The following C1orf159 variants were observed in gnomAD, a reference collection of about 807,000 sequenced individuals.
C1orf159 encodes uncharacterized protein C1orf159.
Under a neutral mutation model 25.6 loss-of-function variants are expected in C1orf159, and 19 were observed. The observed-to-expected ratio is 0.74, with a 90% confidence interval of 0.52 to 1.09. The LOEUF (loss-of-function observed/expected upper bound fraction) is 1.09. Among genes scored for constraint, C1orf159 ranks in the 50% least tolerant of loss-of-function variants. The pLI is 0.00. For synonymous variants in C1orf159, 139 were observed against 124.7 expected (o/e 1.12, Z -0.77); for missense variants, 274 against 290.6 (o/e 0.94, Z 0.42).
In C1orf159 at chr1:1,087,847, A is replaced by C. The variant is rs1645857096; in HGVS notation, c.149-250T>G. ...TCCGACCCCAAGTACTCCACGCTGC[A>C]CTCTCCACGCCGAGCACCCCGGCCC... On this transcript the variant is annotated intron_variant, in intron 4 of 9. Transcript: ENST00000421241. This position sits in a 1 kb window ranked among gnomAD's most constrained non-coding sequence, Gnocchi z 8.3. 7.0e-6 allele frequency among the ~76,000 whole-genome samples: 1 copy of C among 143,372 alleles called. No homozygotes were observed. The allele number at this position is 143,372 out of a possible 152,430, so 94.1% of individuals were successfully genotyped here.
chr1:1,104,800 C>T (rs1646148832), intron 1 of C1orf159, among the ~76,000 whole-genome samples: 3 of 151,340 alleles, frequency 2.0e-5, no homozygotes, highest in South Asian at 2.1e-4. Context: ...GGCAACAGAG[C>T]GAGGCCCTGT....
intron 4 of C1orf159, 94 bp downstream of exon 4, chr1:1,090,259 G>C (rs1214278014): frequency 7.9e-7 from 1 of 1,263,774 alleles, no homozygotes; most frequent in Non-Finnish European, 1.1e-6. Context: ...GCACAGATGA[G>C]CACTGTCCTT....
chr1:1,091,818 T>TG (rs1645943135), intron 2 of C1orf159, 173 bp downstream of exon 2: 1 of 15,196 alleles, frequency 6.6e-5, no homozygotes, highest in Non-Finnish European at 1.3e-4. Context: ...CAAATGGAGA[T>TG]GGGGTGGGGC....
At chr1:1,109,891 G>T (rs535563866) in intron 1 of C1orf159, among the ~76,000 whole-genome samples, 1 of 152,202 alleles carries the variant, frequency 6.6e-6, no homozygotes, top group African/African-American at 2.4e-5. Context: ...GAACCAGTCC[G>T]TGGCCAGTGG....
rs1050430584 is a variant in C1orf159, at chr1:1,087,542, G to A, written c.204C>T (p.Asn68=). 14 of 1,549,564 alleles carry A rather than the reference G, an allele frequency of 9.0e-6. No individual in the cohort carries two copies. The highest frequency in any genetic ancestry group is 5.9e-5 in the Admixed American group (3 of 50,984). ...AGCCGTTGTAGGCTGGGAGGGTTCCGTTCCCACAGCGGACGCAGCTGGCGC... is the reference window on the plus strand; with the variant it reads ...AGCCGTTGTAGGCTGGGAGGGTTCCATTCCCACAGCGGACGCAGCTGGCGC... ...DGSASCVRCG[N]GTLPAYNGSE... The change falls in exon 5 of 10, where the codon AAC becomes AAT. Residue 68 remains asparagine (N), a synonymous_variant. Coordinates refer to ENST00000421241, the MANE Select transcript of C1orf159 (RefSeq NM_017891.5). The surrounding 1 kb of genome is among the most constrained non-coding windows in gnomAD (Gnocchi z 8.3).
At chr1:1,105,039 G>T (rs988604323) in intron 1 of C1orf159, among the ~76,000 whole-genome samples, 1 of 152,132 alleles carries the variant, frequency 6.6e-6, no homozygotes, top group Non-Finnish European at 1.5e-5. Flanking sequence ...GCCCCTTATC[G>T]CCCCACTTTA....
intron 1 of C1orf159, among the ~76,000 whole-genome samples, chr1:1,095,075 A>C (rs1485331672): frequency 6.6e-6 from 1 of 152,162 alleles, no homozygotes; most frequent in Non-Finnish European, 1.5e-5. Context: ...TGTTCCACTC[A>C]CCTGTGTGTC....
chr1:1,111,050 CTG>C (rs1272794948), intron 1 of C1orf159, among the ~76,000 whole-genome samples: 1 of 152,244 alleles, frequency 6.6e-6, no homozygotes, highest in Non-Finnish European at 1.5e-5. Context: ...GACACAAGCT[CTG>C]TGTGTTTCAC....
chr1:1,100,689 C>T (rs775003083), intron 1 of C1orf159, among the ~76,000 whole-genome samples: 6 of 152,094 alleles, frequency 3.9e-5, no homozygotes, highest in South Asian at 2.1e-4. Flanking sequence ...CCCTCTTTTG[C>T]GTGATTTGAA....
At chr1:1,115,632 G>A (rs1356488260) in intron 1 of C1orf159, among the ~76,000 whole-genome samples, 1 of 77,598 alleles carries the variant, frequency 1.3e-5, no homozygotes, top group African/African-American at 5.0e-5. Flanking sequence ...CCTCCCCAGG[G>A]ACCCCCTCCC....
In C1orf159 at chr1:1,087,013, C is replaced by A; in HGVS notation, c.310+126G>T. ...CAAGCTGCAGGGGCTGCCACGCTCC[C>A]CTCTGGCTGTTTTGCAGAACCCTGA... On this transcript the variant is annotated intron_variant, in intron 6 of 9. Coordinates refer to ENST00000421241, the MANE Select transcript of C1orf159 (RefSeq NM_017891.5). The surrounding 1 kb of genome is among the most constrained non-coding windows in gnomAD (Gnocchi z 8.3). 1.0e-6 allele frequency: 1 copy of A among 980,242 alleles called. No homozygotes were observed. Among genetic ancestry groups the A allele is most frequent in the Non-Finnish European group, 1.5e-6 (1 of 653,944 alleles). 60.7% of individuals were successfully genotyped at this position (980,242 alleles called of 1,614,324 possible).
intron 1 of C1orf159, among the ~76,000 whole-genome samples, chr1:1,113,913 C>CTTTTT (rs763307791): frequency 7.4e-5 from 9 of 121,000 alleles, no homozygotes; most frequent in Non-Finnish European, 1.0e-4. Context: ...CCCTCGAGGC[C>CTTTTT]TTTTTTTTTT....
rs1646056382 is a variant in C1orf159, at chr1:1,099,243, GAGA to G, written c.-135-7143_-135-7141del. Among the ~76,000 whole-genome samples, 9 of 83,638 alleles carry G rather than the reference GAGA, an allele frequency of 1.1e-4. No homozygotes were observed. In the South Asian group the frequency reaches 3.2e-3, roughly 30 times the overall value. 54.9% of individuals were successfully genotyped at this position (83,638 alleles called of 152,430 possible). A position where few individuals can be genotyped will look rare whatever the true frequency, so the allele number is the denominator to read the frequency against. ...TTTTGGTCTATTGTTCTAAGAATCA[GAGA>G]GAGAGAGAGGTTAAAATCTCCGACT... On this transcript the variant is annotated intron_variant, in intron 1 of 9. Coordinates refer to ENST00000421241, the MANE Select transcript of C1orf159 (RefSeq NM_017891.5).
In C1orf159 at chr1:1,099,137, A is replaced by G. The variant is rs1646053189; in HGVS notation, c.-135-7034T>C. On this transcript the variant is annotated intron_variant, in intron 1 of 9. Coordinates refer to ENST00000421241, the MANE Select transcript of C1orf159 (RefSeq NM_017891.5). ...CTCTGACGATGATTGTGGATTGTCT[A>G]TTGATGTTTTTGGTCTATTATTCTA... 2.6e-5 allele frequency among the ~76,000 whole-genome samples: 4 copies of G among 151,312 alleles called. No homozygotes were observed. In the South Asian group the frequency reaches 8.4e-4, roughly 32 times the overall value.
chr1:1,095,655 T>C (rs1469423302), intron 1 of C1orf159, among the ~76,000 whole-genome samples: 1 of 152,210 alleles, frequency 6.6e-6, no homozygotes, highest in Non-Finnish European at 1.5e-5. Context: ...GTGACTTCAA[T>C]TTGCCTTTTT....
At chr1:1,084,905 G>A (rs1645805334) in intron 7 of C1orf159, among the ~76,000 whole-genome samples, 1 of 152,102 alleles carries the variant, frequency 6.6e-6, no homozygotes, top group Non-Finnish European at 1.5e-5. Flanking sequence ...AGGTGGCTTT[G>A]AGCCCCACGG....
chr1:1,085,789 T>C, intron 7 of C1orf159, 89 bp downstream of exon 7: 3 of 1,515,212 alleles, frequency 2.0e-6, no homozygotes, highest in Non-Finnish European at 2.7e-6. Context: ...TGCTCTGGCC[T>C]GGGACACTCC....
chr1:1,093,648 C>T (rs12131891), intron 1 of C1orf159, among the ~76,000 whole-genome samples: 108 of 152,362 alleles, frequency 7.1e-4, no homozygotes, highest in Non-Finnish European at 1.1e-3. Context: ...TTTCCACAGT[C>T]GGAGGATTTT....
intron 1 of C1orf159, among the ~76,000 whole-genome samples, chr1:1,093,132 C>T (rs1012293234): frequency 4.6e-5 from 7 of 152,134 alleles, no homozygotes; most frequent in African/African-American, 7.2e-5. Flanking sequence ...ACATGCTGCT[C>T]GCCCCACCCA....
Sources: gnomAD v4.1 joint callset for allele counts (sites outside exome capture counted in the v4.1 genomes callset) on GRCh38, gnomAD v4.1.1 for gene constraint, Gnocchi (gnomAD v3.1) non-coding constraint, MANE v1.5 for transcripts, NCBI Gene and HGNC (gene_info 2026-07-23, HGNC 2026-07-21) for gene names.